The following MAML1 variants were observed in gnomAD, a reference collection of about 807,000 sequenced individuals.
MAML1 encodes mastermind-like protein 1.
MAML1 carries 14 observed loss-of-function variants against 77.1 expected under a neutral mutation model. That is an observed-to-expected ratio of 0.18 (90% CI 0.12 to 0.28). MAML1 has a LOEUF of 0.28. MAML1 is among the 10% of genes least tolerant of loss of function. The pLI, the probability that MAML1 is intolerant of heterozygous loss-of-function variation, is 1.00. For missense variants in MAML1, 1,217 were observed against 1,327.8 expected (o/e 0.92, Z 1.30); for synonymous variants, 516 against 551.9 (o/e 0.93, Z 0.91).
At chr5:179,773,796 G>A in intron 4 of MAML1, 99 bp from the exon 5 acceptor site, 2 of 1,513,754 alleles carry the variant, frequency 1.3e-6, no homozygotes, top group Non-Finnish European at 1.8e-6. Context: ...CCTCTTCCCA[G>A]TGTGCCGTGA....
At chr5:179,773,695 TC>T (rs1463856396) in intron 4 of MAML1, 199 bp from the exon 5 acceptor site, 1 of 972,454 alleles carries the variant, frequency 1.0e-6, no homozygotes. Context: ...GCTTTGCCCT[TC>T]CTCTGTGCCT....
chr5:179,776,831 C>T lies in MAML1; in HGVS notation c.*1954C>T, dbSNP rs945241307. 2.7e-5 allele frequency: 27 copies of T among 985,820 alleles called. No individual in the cohort carries two copies. In the Admixed American group the frequency reaches 1.3e-3, roughly 47 times the overall value. The allele number at this position is 985,820 out of a possible 1,614,324, so 61.1% of individuals were successfully genotyped here. On this transcript the variant is annotated 3_prime_UTR_variant, in exon 5 of 5. Transcript: ENST00000292599. ...AATAAAATGTGATTCTTGGGGTCCC[C>T]CCAGGGAGCTGCCCATGGCTTTATT...
At chr5:179,773,780 C>A in intron 4 of MAML1, 115 bp from the exon 5 acceptor site, 1 of 1,504,168 alleles carries the variant, frequency 6.6e-7, no homozygotes, top group South Asian at 1.4e-5. Context: ...CCATGGCCCC[C>A]GGGGCCCTCT....
chr5:179,754,582 C>T (rs1482400641), intron 1 of MAML1, among the ~76,000 whole-genome samples: 1 of 151,916 alleles, frequency 6.6e-6, no homozygotes, highest in Non-Finnish European at 1.5e-5. Context: ...AGAGCAAGAC[C>T]CTGTCTCAAA....
intron 1 of MAML1, among the ~76,000 whole-genome samples, chr5:179,743,602 C>T (rs1779324803): frequency 6.6e-6 from 1 of 150,680 alleles, no homozygotes; most frequent in African/African-American, 2.4e-5. Context: ...CCTAACCTTG[C>T]GATCCACCCG....
At chr5:179,762,844 AC>A (rs1239416224) in intron 1 of MAML1, among the ~76,000 whole-genome samples, 3 of 152,192 alleles carry the variant, frequency 2.0e-5, no homozygotes, top group Non-Finnish European at 1.5e-5. Context: ...ATCCCCGTCT[AC>A]GTTATTCCAG....
At chr5:179,737,614 C>A (rs949814834) in intron 1 of MAML1, among the ~76,000 whole-genome samples, 2 of 152,170 alleles carry the variant, frequency 1.3e-5, no homozygotes, top group Admixed American at 6.5e-5. Flanking sequence ...CACCAGCAAC[C>A]CATTTGTATG....
intron 2 of MAML1, among the ~76,000 whole-genome samples, chr5:179,768,475 T>A (rs961165529): frequency 9.2e-5 from 14 of 152,274 alleles, no homozygotes; most frequent in African/African-American, 3.4e-4. Context: ...ACAAAAAGTA[T>A]TCTTCCCCTA....
Position 179,745,513 on chromosome 5 carries a change from C to G in MAML1, c.315+12086C>G, listed in dbSNP as rs866937190. On this transcript the variant is annotated intron_variant, in intron 1 of 4. Coordinates refer to ENST00000292599, the MANE Select transcript of MAML1 (RefSeq NM_014757.5). Reference sequence around the variant, plus strand: ...GGCGGATCACCTGAGGTCAGCAGTTCAAGACCAGCCTGGCCAACATGGAGA... The same window carrying G: ...GGCGGATCACCTGAGGTCAGCAGTTGAAGACCAGCCTGGCCAACATGGAGA... Among the ~76,000 whole-genome samples the G allele has an allele frequency of 3.3e-5, 5 of 150,220 alleles. No individual in the cohort carries two copies. The Middle Eastern group carries it at 0.01, about 309-fold the overall frequency.
intron 1 of MAML1, among the ~76,000 whole-genome samples, chr5:179,764,591 C>A (rs945694960): frequency 2.0e-5 from 3 of 151,002 alleles, no homozygotes; most frequent in Non-Finnish European, 4.4e-5. Context: ...ACCCTGGAGG[C>A]GGAGGTTGCT....
intron 1 of MAML1, among the ~76,000 whole-genome samples, chr5:179,756,527 G>A (rs558313628): frequency 5.9e-5 from 9 of 152,154 alleles, no homozygotes; most frequent in African/African-American, 2.2e-4. Flanking sequence ...CCAAGGGAAT[G>A]GCAGGGAATT....
Position 179,774,965 on chromosome 5 carries a change from G to C in MAML1, c.*88G>C. On this transcript the variant is annotated 3_prime_UTR_variant, in exon 5 of 5. Transcript: ENST00000292599. ...AAAGAGCAACTACTTTGGACCAAAAGCCCATGGCCTGGGGAGCTGGGCAGG... is the reference window on the plus strand; with the variant it reads ...AAAGAGCAACTACTTTGGACCAAAACCCCATGGCCTGGGGAGCTGGGCAGG... 1 of 1,506,580 alleles carries C rather than the reference G, an allele frequency of 6.6e-7. No homozygotes were observed. Among genetic ancestry groups the C allele is most frequent in the Non-Finnish European group, 8.8e-7 (1 of 1,135,316 alleles). The allele number at this position is 1,506,580 out of a possible 1,614,324, so 93.3% of individuals were successfully genotyped here. A position where few individuals can be genotyped will look rare whatever the true frequency, so the allele number is the denominator to read the frequency against.
At position 179,733,154 on chromosome 5, in the gene MAML1, G is replaced by C; in HGVS notation, c.42G>C (p.Pro14=). The C allele has an allele frequency of 6.9e-7, 1 of 1,455,954 alleles. No individual in the cohort carries two copies. The highest frequency in any genetic ancestry group is 9.0e-7 in the Non-Finnish European group (1 of 1,107,100). 90.2% of individuals were successfully genotyped at this position (1,455,954 alleles called of 1,614,324 possible). Residue 14 remains proline (P), a synonymous_variant, in exon 1 of 5, where the codon CCG becomes CCC. Transcript: ENST00000292599. ...PTCPMAEFAL[P]RHSAVMERLR... is the part of the protein sequence containing the mutation. ...GCCCCATGGCGGAGTTCGCGCTGCC[G>C]CGGCACAGCGCGGTCATGGAGCGCC...
intron 1 of MAML1, among the ~76,000 whole-genome samples, chr5:179,751,011 G>A (rs1779478340): frequency 6.6e-6 from 1 of 152,036 alleles, no homozygotes; most frequent in Non-Finnish European, 1.5e-5. Context: ...ATCTCGCTCT[G>A]TCACCAGGCT....
chr5:179,756,151 C>T (rs958173680), intron 1 of MAML1, among the ~76,000 whole-genome samples: 4 of 151,268 alleles, frequency 2.6e-5, no homozygotes, highest in East Asian at 2.0e-4. Context: ...GGTGGCCGGT[C>T]GCGGTGGCTC....
Position 179,733,365 on chromosome 5 carries a change from C to T in MAML1, c.253C>T (p.Pro85Ser), listed in dbSNP as rs1779105347. Residue 85 changes from proline to serine, a missense_variant, in exon 1 of 5, where the codon CCC becomes TCC. Around this residue, in one of 3 missense-constraint regions of MAML1, gnomAD observed 312 missense variants for 331.4 expected, o/e 0.94. Coordinates refer to ENST00000292599, the MANE Select transcript of MAML1 (RefSeq NM_014757.5). ...RQPPAATAPA[P>S]AAPAPRLDAA... Reference sequence around the variant, plus strand: ...GCCGCCCGCCGCCACGGCCCCGGCGCCCGCCGCCCCGGCCCCGCGCCTGGA... The same window carrying T: ...GCCGCCCGCCGCCACGGCCCCGGCGTCCGCCGCCCCGGCCCCGCGCCTGGA... 8.1e-7 allele frequency: 1 copy of T among 1,232,630 alleles called. No individual in the cohort carries two copies. The highest frequency in any genetic ancestry group is 1.0e-6 in the Non-Finnish European group (1 of 990,448). The allele number at this position is 1,232,630 out of a possible 1,614,324, so 76.4% of individuals were successfully genotyped here. A position where few individuals can be genotyped will look rare whatever the true frequency, so the allele number is the denominator to read the frequency against.
At chr5:179,745,991 G>A (rs1444741581) in intron 1 of MAML1, among the ~76,000 whole-genome samples, 7 of 149,990 alleles carry the variant, frequency 4.7e-5, no homozygotes, top group African/African-American at 1.5e-4. Context: ...CTGAGATAGC[G>A]CCATTCCATT....
chr5:179,745,203 C>T (rs1053669534), intron 1 of MAML1, among the ~76,000 whole-genome samples: 6 of 151,910 alleles, frequency 3.9e-5, no homozygotes, highest in African/African-American at 1.4e-4. Context: ...CCGTGCCCGG[C>T]CGCATTATAA....
rs770053302 is a variant in MAML1 at position 179,774,017 on chromosome 5, C to T, written c.2191C>T (p.Leu731Phe). ...CCCTGGACATGCTTCAGTTTCCTCT[C>T]TCCCCACAAACTCAGGCCAACAGGA... The part of the protein sequence containing the change: ...MGPGHASVSS[L>F]PTNSGQQDRG... The change falls in exon 5 of 5, where the codon CTC (leucine) becomes TTC (phenylalanine). Residue 731 changes from leucine to phenylalanine, a missense_variant. By Grantham distance (22) the Leu-to-Phe change is conservative. Transcript: ENST00000292599. The T allele has an allele frequency of 1.9e-6, 3 of 1,614,234 alleles. No homozygotes were observed. The South Asian group carries it at 3.3e-5, about 18-fold the overall frequency.
Sources: gnomAD v4.1 joint callset for allele counts (sites outside exome capture counted in the v4.1 genomes callset) on GRCh38, gnomAD v4.1.1 for gene constraint, gnomAD v4.1.1 regional missense constraint, MANE v1.5 for transcripts, NCBI Gene and HGNC (gene_info 2026-07-23, HGNC 2026-07-21) for gene names.